ATP13A3: variants seen among roughly 807,000 people sequenced by gnomAD.
ATP13A3 encodes polyamine-transporting ATPase 13A3.
In ATP13A3, 59 loss-of-function variants were observed where a neutral mutation model predicts 158.1. That is an observed-to-expected ratio of 0.37 (90% CI 0.30 to 0.46). The LOEUF (loss-of-function observed/expected upper bound fraction) is 0.46. Among genes scored for constraint, ATP13A3 ranks in the 20% least tolerant of loss-of-function variants. ATP13A3 has a pLI of 1.00. For synonymous variants in ATP13A3, 491 were observed against 504.3 expected (o/e 0.97, Z 0.35); for missense variants, 1,166 against 1,525.2 (o/e 0.76, Z 3.92).
chr3:194,437,533 A>G lies in ATP13A3; in HGVS notation c.1845+23T>C, dbSNP rs145244179. The G allele has an allele frequency of 1.5e-4, 242 of 1,611,380 alleles. 1 individual carries two copies. In the East Asian group the frequency reaches 4.9e-3, roughly 32 times the overall value. ...AGAATCAAAACAAATATACTTAGTA[A>G]GAAGTAAACATTCTTCACTTACTGG... On this transcript the variant is annotated intron_variant, in intron 18 of 33. Transcript: ENST00000645319.
intron 31 of ATP13A3, among the ~76,000 whole-genome samples, chr3:194,416,112 T>A (rs1715832012): frequency 6.6e-6 from 1 of 152,234 alleles, no homozygotes; most frequent in Non-Finnish European, 1.5e-5. Context: ...CAGCTATAAT[T>A]CATCACATTC....
intron 31 of ATP13A3, chr3:194,419,660 A>C (rs1340133482): frequency 1.8e-6 from 1 of 548,278 alleles, no homozygotes; most frequent in Non-Finnish European, 2.3e-6. Context: ...AGGGCTATTT[A>C]ATTTGTTTGC....
Position 194,450,271 on chromosome 3 carries a change from C to G in ATP13A3, c.844G>C (p.Glu282Gln), listed in dbSNP as rs1271200464. 1 of 1,610,782 alleles carries G rather than the reference C, an allele frequency of 6.2e-7. No homozygotes were observed. Among genetic ancestry groups the G allele is most frequent in the South Asian group, 1.1e-5 (1 of 90,672 alleles). The change falls in exon 11 of 34, where the codon GAA (glutamate) becomes CAA (glutamine). Residue 282 changes from glutamate (E) to glutamine (Q), a missense_variant. Glu to Gln is a conservative substitution (Grantham distance 29). Around this residue, in one of 3 missense-constraint regions of ATP13A3, gnomAD observed 997 missense variants for 1,341.2 expected, o/e 0.74. Transcript: ENST00000645319. The stretch of plus-strand genomic sequence containing the variant: ...ACAAGGTCGGTAGAAAAGATTTCTT[C>G]TATTTCTGAAATTAAAGAAAGAAAG... ...VSVCRVNEEIEEIFSTDLVPG... is the reference protein window; with the variant it reads ...VSVCRVNEEIQEIFSTDLVPG...
At position 194,453,704 on chromosome 3, in the gene ATP13A3, A is replaced by T; in HGVS notation, c.838+2T>A. ...TTATTCTTCCAACATTCAATTACTTACCTTCATTTACTCTACAAACTGAAA... is the reference window on the plus strand; with the variant it reads ...TTATTCTTCCAACATTCAATTACTTTCCTTCATTTACTCTACAAACTGAAA... On this transcript the variant is annotated splice_donor_variant, in intron 10 of 33. Transcript: ENST00000645319. LOFTEE classifies it high-confidence loss of function. The T allele has an allele frequency of 6.2e-7, 1 of 1,608,240 alleles. No individual in the cohort carries two copies. Among genetic ancestry groups the T allele is most frequent in the Non-Finnish European group, 8.5e-7 (1 of 1,174,858 alleles).
intron 10 of ATP13A3, chr3:194,450,540 T>A (rs1161655866): frequency 2.5e-6 from 1 of 396,176 alleles, no homozygotes; most frequent in South Asian, 2.5e-5. Context: ...TAAGTGTGCT[T>A]CAACACTCAT....
chr3:194,406,321 T>C (rs1349724730), intron 33 of ATP13A3, among the ~76,000 whole-genome samples: 1 of 152,030 alleles, frequency 6.6e-6, no homozygotes, highest in Non-Finnish European at 1.5e-5. Context: ...TCCCAGCATC[T>C]TGGGAGGTCG....
intron 11 of ATP13A3, among the ~76,000 whole-genome samples, chr3:194,449,675 T>A (rs1357768062): frequency 1.4e-5 from 2 of 147,586 alleles, no homozygotes; most frequent in African/African-American, 5.1e-5. Context: ...AGGCTCTGTC[T>A]CAAAACAAAC....
chr3:194,421,421 C>T (rs979356162), intron 30 of ATP13A3, among the ~76,000 whole-genome samples: 20 of 149,516 alleles, frequency 1.3e-4, no homozygotes, highest in African/African-American at 4.7e-4. Flanking sequence ...GGCGTGGTGG[C>T]GGGTGCCTGT....
chr3:194,439,213 G>A (rs905774884), intron 16 of ATP13A3, among the ~76,000 whole-genome samples: 17 of 152,206 alleles, frequency 1.1e-4, no homozygotes, highest in African/African-American at 3.9e-4. Flanking sequence ...GCTTCATTCA[G>A]GGTTAGAAGC....
rs1715494616 is a variant in ATP13A3 at position 194,412,248 on chromosome 3, T to A, written c.3524A>T (p.Asn1175Ile). Residue 1175 changes from asparagine (N) to isoleucine (I), a missense_variant, in exon 33 of 34, where the codon AAC becomes ATC. Coordinates refer to ENST00000645319, the MANE Select transcript of ATP13A3 (RefSeq NM_001367549.1). ...LDMVLWKVVF[N>I]RDKQGEYRFS... Reference sequence around the variant, plus strand: ...CCGATACTCTCCTTGTTTGTCTCGGTTGAACACAACTTTCCAAAGGACCAT... The same window carrying A: ...CCGATACTCTCCTTGTTTGTCTCGGATGAACACAACTTTCCAAAGGACCAT... 1 of 1,536,490 alleles carries A rather than the reference T, an allele frequency of 6.5e-7. No homozygotes were observed. Among genetic ancestry groups the A allele is most frequent in the African/African-American group, 1.4e-5 (1 of 73,160 alleles).
rs190120330 is a variant in ATP13A3, at chr3:194,461,125, T to C, written c.52-294A>G. Among the ~76,000 whole-genome samples, 13 of 152,342 alleles carry C rather than the reference T, an allele frequency of 8.5e-5. No homozygotes were observed. In the East Asian group the frequency reaches 2.3e-3, roughly 27 times the overall value. On this transcript the variant is annotated intron_variant, in intron 3 of 33. Transcript: ENST00000645319. Reference sequence around the variant, plus strand: ...TCATATTTAGTACACTTCCCTAGAATGTTTGCAATTTCATTGTTACATATC... The same window carrying C: ...TCATATTTAGTACACTTCCCTAGAACGTTTGCAATTTCATTGTTACATATC...
intron 33 of ATP13A3, among the ~76,000 whole-genome samples, chr3:194,411,525 A>T (rs1195643592): frequency 6.6e-6 from 1 of 152,216 alleles, no homozygotes; most frequent in Non-Finnish European, 1.5e-5. Context: ...TCCTAACACT[A>T]GGAAATGGGT....
At chr3:194,434,687 TAGG>T (rs1394414699) in intron 20 of ATP13A3, among the ~76,000 whole-genome samples, 1 of 152,060 alleles carries the variant, frequency 6.6e-6, no homozygotes, top group African/African-American at 2.4e-5. Context: ...GAGGCTGAAA[TAGG>T]AGGATTGCTT....
Position 194,486,089 on chromosome 3 carries a change from A to G in ATP13A3, c.-88-254T>C, listed in dbSNP as rs1414621998. Among the ~76,000 whole-genome samples the G allele has an allele frequency of 4.6e-5, 7 of 152,230 alleles. No individual in the cohort carries two copies. The East Asian group carries it at 1.4e-3, about 29-fold the overall frequency. ...AGGGCCCTGGGTTTTTCTAGTCCTC[A>G]CTGCCACAGAGTCCGAGTGGGAGGC... On this transcript the variant is annotated intron_variant, in intron 1 of 33. Transcript: ENST00000645319.
At chr3:194,440,881 T>C (rs1331238626) in intron 16 of ATP13A3, among the ~76,000 whole-genome samples, 1 of 151,958 alleles carries the variant, frequency 6.6e-6, no homozygotes, top group African/African-American at 2.4e-5. Context: ...AAGGAAGTTA[T>C]AAACAAACAA....
chr3:194,428,824 A>T, intron 28 of ATP13A3, 21 bp downstream of exon 28: 1 of 1,538,182 alleles, frequency 6.5e-7, no homozygotes, highest in Non-Finnish European at 8.9e-7. Context: ...TTAAAAATCA[A>T]TAACAAAGCA....
intron 2 of ATP13A3, among the ~76,000 whole-genome samples, chr3:194,479,531 C>T (rs1313450412): frequency 6.6e-6 from 1 of 150,984 alleles, no homozygotes; most frequent in Admixed American, 6.6e-5. Context: ...GAAGCTAAGG[C>T]ATGATCTAGA....
chr3:194,458,931 T>G (rs1212433661), intron 6 of ATP13A3: 4 of 152,304 alleles, frequency 2.6e-5, no homozygotes, highest in African/African-American at 9.6e-5. Flanking sequence ...AAAGCAACGA[T>G]ATTAATGAGT....
intron 2 of ATP13A3, among the ~76,000 whole-genome samples, chr3:194,485,517 TAAC>T (rs994787080): frequency 6.6e-6 from 1 of 152,244 alleles, no homozygotes; most frequent in South Asian, 2.1e-4. Context: ...ACTTTCATTT[TAAC>T]AACGATACTT....
Sources: gnomAD v4.1 joint callset for allele counts (sites outside exome capture counted in the v4.1 genomes callset) on GRCh38, gnomAD v4.1.1 for gene constraint, gnomAD v4.1.1 regional missense constraint, MANE v1.5 for transcripts, NCBI Gene and HGNC (gene_info 2026-07-23, HGNC 2026-07-21) for gene names.